The following CEP170 variants were observed in gnomAD, a reference collection of about 807,000 sequenced individuals.
CEP170 encodes centrosomal protein of 170 kDa.
CEP170 carries 21 observed loss-of-function variants against 151.9 expected under a neutral mutation model. The ratio of observed to expected loss-of-function variants is 0.14; its 90% CI spans 0.10 to 0.20. The LOEUF is 0.20. CEP170 is among the 10% of genes least tolerant of loss of function. CEP170 has a pLI of 1.00. For synonymous variants in CEP170, 356 were observed against 648.8 expected (o/e 0.55, Z 6.86); for missense variants, 964 against 1,892.9 (o/e 0.51, Z 9.11).
chr1:243,194,652 A>T (rs1486484674), intron 7 of CEP170, among the ~76,000 whole-genome samples: 1 of 151,916 alleles, frequency 6.6e-6, no homozygotes, highest in Non-Finnish European at 1.5e-5. Context: ...ATAGAAAACT[A>T]TAAGGGGTCT....
chr1:243,183,654 A>G, intron 10 of CEP170, among the ~76,000 whole-genome samples: 1 of 152,266 alleles, frequency 6.6e-6, no homozygotes, highest in South Asian at 2.1e-4. Flanking sequence ...TGGTAGTCAC[A>G]AGATAATGTA....
chr1:243,239,751 T>C (rs1012669719), intron 1 of CEP170, among the ~76,000 whole-genome samples: 6 of 152,206 alleles, frequency 3.9e-5, no homozygotes, highest in Non-Finnish European at 5.9e-5. Context: ...CCTTCACATA[T>C]ACCTACAGCA....
At chr1:243,213,917 C>T (rs6688838) in intron 3 of CEP170, among the ~76,000 whole-genome samples, 130,092 of 152,212 alleles carry the variant, frequency 0.85, 55,730 homozygotes, top group East Asian at 0.94. Context: ...CACTATGTCA[C>T]CCAGGCTGGT....
At chr1:243,222,452 G>T (rs1572437988) in intron 2 of CEP170, among the ~76,000 whole-genome samples, 1 of 152,170 alleles carries the variant, frequency 6.6e-6, no homozygotes, top group South Asian at 2.1e-4. Flanking sequence ...TCTCTCTCCA[G>T]AGCTTAGTAA....
At chr1:243,251,006 C>T (rs1414969102) in intron 1 of CEP170, among the ~76,000 whole-genome samples, 2 of 152,138 alleles carry the variant, frequency 1.3e-5, no homozygotes, top group Non-Finnish European at 2.9e-5. Context: ...CAAAGGAAAC[C>T]ATATGAAGTT....
chr1:243,150,541 A>G (rs930310317), intron 14 of CEP170, among the ~76,000 whole-genome samples: 4 of 152,250 alleles, frequency 2.6e-5, no homozygotes, highest in Admixed American at 1.3e-4. Flanking sequence ...TTTTTAATAA[A>G]TAAGTTTGGA....
At chr1:243,211,545 T>C (rs151302646) in intron 4 of CEP170, 8,797 of 200,262 alleles carry the variant, frequency 0.044, 510 homozygotes, top group East Asian at 0.21. Context: ...AAGCAATCCC[T>C]AGGCTGGACT....
intron 14 of CEP170, among the ~76,000 whole-genome samples, chr1:243,152,741 C>T (rs1221663554): frequency 6.6e-6 from 1 of 151,514 alleles, no homozygotes; most frequent in Admixed American, 6.6e-5. Context: ...CCGTGTTAGC[C>T]AGGATGGTCT....
At chr1:243,130,146 T>C (rs1558359811) in intron 17 of CEP170, among the ~76,000 whole-genome samples, 1 of 152,100 alleles carries the variant, frequency 6.6e-6, no homozygotes, top group Non-Finnish European at 1.5e-5. Context: ...AAATGCAATT[T>C]TATTCAGACA....
At chr1:243,150,108 C>T (rs1248948258) in intron 14 of CEP170, among the ~76,000 whole-genome samples, 1 of 152,108 alleles carries the variant, frequency 6.6e-6, no homozygotes, top group Non-Finnish European at 1.5e-5. Context: ...AAGTGAGTTT[C>T]ATTTGGGGCC....
rs535082577 is a variant in CEP170, at chr1:243,210,718, G to A, written c.274+1168C>T. ...CAACCTCTGCCTCCTGGGTTCAAGCGATTCTCCTGCCTCAGCCTCTGGAGT... is the reference window on the plus strand; with the variant it reads ...CAACCTCTGCCTCCTGGGTTCAAGCAATTCTCCTGCCTCAGCCTCTGGAGT... On this transcript the variant is annotated intron_variant, in intron 4 of 19. Coordinates refer to ENST00000366542, the MANE Select transcript of CEP170 (RefSeq NM_014812.3). 2.8e-4 allele frequency among the ~76,000 whole-genome samples: 40 copies of A among 141,642 alleles called. 1 individual carries two copies. The highest frequency in any genetic ancestry group is 5.3e-4 in the Non-Finnish European group (35 of 66,154). The allele number at this position is 141,642 out of a possible 152,430, so 92.9% of individuals were successfully genotyped here.
chr1:243,154,424 A>G (rs185472445), intron 14 of CEP170, among the ~76,000 whole-genome samples: 3 of 152,218 alleles, frequency 2.0e-5, no homozygotes, highest in African/African-American at 4.8e-5. Context: ...TCACTGCTCT[A>G]TAGAAACATT....
At chr1:243,151,947 C>G (rs2057122358) in intron 14 of CEP170, among the ~76,000 whole-genome samples, 1 of 151,896 alleles carries the variant, frequency 6.6e-6, no homozygotes, top group Non-Finnish European at 1.5e-5. Flanking sequence ...GTCATAGGGC[C>G]CTTAAGAATT....
chr1:243,221,778 G>A lies in CEP170; in HGVS notation c.141C>T (p.Asn47=). Residue 47 remains asparagine, a synonymous_variant, in exon 3 of 20, where the codon AAC becomes AAT. Transcript: ENST00000366542. ...RSVDKQHAVI[N]YDASTDEHLV... The stretch of plus-strand genomic sequence containing the variant: ...AATGCTCATCCGTAGACGCATCATA[G>A]TTGATGACAGCGTGTTGCTTATCCA... 1 of 1,613,042 alleles carries A rather than the reference G, an allele frequency of 6.2e-7. No individual in the cohort carries two copies. Among genetic ancestry groups the A allele is most frequent in the South Asian group, 1.1e-5 (1 of 90,826 alleles).
intron 1 of CEP170, among the ~76,000 whole-genome samples, chr1:243,231,657 C>T (rs2063771936): frequency 6.6e-6 from 1 of 151,822 alleles, no homozygotes; most frequent in Non-Finnish European, 1.5e-5. Flanking sequence ...TAATTGGAAT[C>T]GCCAAGGTAA....
intron 13 of CEP170, among the ~76,000 whole-genome samples, chr1:243,161,298 C>A (rs1211879475): frequency 1.4e-5 from 2 of 140,448 alleles, no homozygotes; most frequent in African/African-American, 5.5e-5. Flanking sequence ...AGCAAGAGTC[C>A]GTCTCAAAAA....
Position 243,126,634 on chromosome 1 carries a change from C to T in CEP170, c.4570G>A (p.Val1524Met), listed in dbSNP as rs768488931. 2.9e-5 allele frequency: 45 copies of T among 1,566,472 alleles called. No homozygotes were observed. In the African/African-American group the frequency reaches 6.1e-4, roughly 21 times the overall value. ...TGACCCGGGCTGTGGTGGTTATTCA[C>T]AGGGCTGGACTTCTGTTTCGGTGGA... Reference protein sequence around the residue: ...PSPPKQKSSPVNNHHSPGQTP... With the variant: ...PSPPKQKSSPMNNHHSPGQTP... Residue 1524 changes from valine to methionine, a missense_variant, in exon 20 of 20, where the codon GTG becomes ATG. By Grantham distance (21) the Val-to-Met change is conservative. Transcript: ENST00000366542.
chr1:243,240,048 G>A (rs1278928245), intron 1 of CEP170, among the ~76,000 whole-genome samples: 1 of 152,058 alleles, frequency 6.6e-6, no homozygotes, highest in Non-Finnish European at 1.5e-5. Context: ...CAATCTGGCC[G>A]GGCTGTAATC....
In CEP170 at chr1:243,165,592, T is replaced by C. The variant is rs752136669; in HGVS notation, c.2368A>G (p.Lys790Glu). 6.2e-6 allele frequency: 10 copies of C among 1,614,008 alleles called. No homozygotes were observed. Among genetic ancestry groups the C allele is most frequent in the Non-Finnish European group, 8.5e-6 (10 of 1,179,890 alleles). ...TTGCTTGTAGAATGTCCTGAATTTTTTTCTGGAGGTTGTGATTCTTGTTTA... is the reference window on the plus strand; with the variant it reads ...TTGCTTGTAGAATGTCCTGAATTTTCTTCTGGAGGTTGTGATTCTTGTTTA... ...TFKQESQPPE[K>E]NSGHSTSKGD... Residue 790 changes from lysine (K) to glutamate (E), a missense_variant, in exon 13 of 20, where the codon AAA becomes GAA. Physicochemically the swap from Lys to Glu is moderately conservative, Grantham distance 56 (BLOSUM62 1). Transcript: ENST00000366542.
Sources: gnomAD v4.1 joint callset for allele counts (sites outside exome capture counted in the v4.1 genomes callset) on GRCh38, gnomAD v4.1.1 for gene constraint, MANE v1.5 for transcripts, NCBI Gene and HGNC (gene_info 2026-07-23, HGNC 2026-07-21) for gene names.